Variants in CNTNAP2 observed in about 807,000 individuals in gnomAD.
CNTNAP2 encodes the protein contactin-associated protein-like 2.
A neutral mutation model predicts 155.2 loss-of-function variants in CNTNAP2; 98 were observed. The ratio of observed to expected loss-of-function variants is 0.63; its 90% CI spans 0.54 to 0.75. The LOEUF (loss-of-function observed/expected upper bound fraction) is 0.75, where lower values mean the gene tolerates loss of function less well. Ranked by LOEUF, CNTNAP2 falls within the 30% of genes least tolerant of loss-of-function variation. CNTNAP2 has a pLI of 0.00. For synonymous variants in CNTNAP2, 651 were observed against 631.2 expected (o/e 1.03, Z -0.47); for missense variants, 1,727 against 1,688.1 (o/e 1.02, Z -0.40).
At chr7:147,434,898 T>A (rs1373464542) in intron 10 of CNTNAP2, among the ~76,000 whole-genome samples, 1 of 152,222 alleles carries the variant, frequency 6.6e-6, no homozygotes, top group Non-Finnish European at 1.5e-5. Context: ...TGGCCTCTGT[T>A]TCAACTCTCA....
At chr7:146,599,507 T>C (rs1331147017) in intron 1 of CNTNAP2, among the ~76,000 whole-genome samples, 3 of 152,094 alleles carry the variant, frequency 2.0e-5, no homozygotes, top group East Asian at 1.9e-4. Context: ...CCTCCTTTTA[T>C]GTCTATACCT....
At chr7:147,512,284 T>G (rs1311106422) in intron 11 of CNTNAP2, among the ~76,000 whole-genome samples, 3 of 152,216 alleles carry the variant, frequency 2.0e-5, no homozygotes. Context: ...GACAGTTTTT[T>G]GGAACCAGGG....
At position 147,121,100 on chromosome 7, in the gene CNTNAP2, G is replaced by A. The variant is rs1584856729; in HGVS notation, c.876G>A (p.Leu292=). ...AGGGGCGGAGCATTAACCTCACTCT[G>A]GACAGGAGCATGCAGCACTTCCGTA... is the stretch of plus-strand genomic sequence containing the variant. ...ERQGRSINLT[L]DRSMQHFRTN... The change falls in exon 6 of 24, where the codon CTG becomes CTA. Residue 292 remains leucine, a synonymous_variant. Coordinates refer to ENST00000361727, the MANE Select transcript of CNTNAP2 (RefSeq NM_014141.6). 6.2e-7 allele frequency: 1 copy of A among 1,613,994 alleles called. No individual in the cohort carries two copies. Among genetic ancestry groups the A allele is most frequent in the Admixed American group, 1.7e-5 (1 of 59,988 alleles).
At chr7:147,087,940 G>A (rs1268992703) in intron 4 of CNTNAP2, among the ~76,000 whole-genome samples, 5 of 152,056 alleles carry the variant, frequency 3.3e-5, no homozygotes, top group African/African-American at 9.7e-5. Flanking sequence ...TTGTGCCACT[G>A]CACTCCAGCC....
At chr7:147,391,465 C>A (rs1042213364) in intron 9 of CNTNAP2, among the ~76,000 whole-genome samples, 8 of 152,056 alleles carry the variant, frequency 5.3e-5, no homozygotes, top group Admixed American at 4.6e-4. Flanking sequence ...AACTCTGTCC[C>A]TTTCAGTACA....
At chr7:147,781,271 C>T (rs1797657746) in intron 13 of CNTNAP2, among the ~76,000 whole-genome samples, 1 of 152,078 alleles carries the variant, frequency 6.6e-6, no homozygotes, top group Non-Finnish European at 1.5e-5. Flanking sequence ...TAGCAGTAGA[C>T]TGTTGTAGAA....
intron 1 of CNTNAP2, among the ~76,000 whole-genome samples, chr7:146,528,356 C>A (rs1917950): frequency 0.3 from 46,251 of 151,952 alleles, 7,197 homozygotes; most frequent in East Asian, 0.44. Flanking sequence ...GTTTTCTCAA[C>A]TGCAAAGCAG....
intron 1 of CNTNAP2, among the ~76,000 whole-genome samples, chr7:146,566,051 A>G (rs967867954): frequency 3.3e-5 from 5 of 152,192 alleles, no homozygotes; most frequent in African/African-American, 9.6e-5. Flanking sequence ...CCTCTTTGCA[A>G]TTGAGGCACA....
intron 5 of CNTNAP2, among the ~76,000 whole-genome samples, chr7:147,113,550 T>G (rs1800926043): frequency 6.6e-6 from 1 of 151,974 alleles, no homozygotes; most frequent in African/African-American, 2.4e-5. Flanking sequence ...CTTCTTCACA[T>G]GGCGGCAGGA....
At chr7:146,934,486 A>G (rs1796867735) in intron 3 of CNTNAP2, among the ~76,000 whole-genome samples, 1 of 151,424 alleles carries the variant, frequency 6.6e-6, no homozygotes, top group Non-Finnish European at 1.5e-5. Context: ...AATAGGAGAT[A>G]TACCTAATGC....
chr7:148,193,753 T>C (rs1389856589), intron 18 of CNTNAP2, among the ~76,000 whole-genome samples: 3 of 152,038 alleles, frequency 2.0e-5, no homozygotes. Context: ...TAGTTCATCT[T>C]CTGCTCCAGT....
chr7:147,874,403 CT>C lies in CNTNAP2; in HGVS notation c.2099-29161del, dbSNP rs575596264. Among the ~76,000 whole-genome samples the C allele has an allele frequency of 4.2e-3, 633 of 152,364 alleles. 3 individuals are homozygous for C. Among genetic ancestry groups the C allele is most frequent in the African/African-American group, 0.015 (618 of 41,584 alleles). On this transcript the variant is annotated intron_variant, in intron 13 of 23. Transcript: ENST00000361727. ...TTCTTGACTTCTGTGTTCCTGCAGACTCAAAACCATGTGGAAGCTGCCAAAG... is the reference window on the plus strand; with the variant it reads ...TTCTTGACTTCTGTGTTCCTGCAGACCAAAACCATGTGGAAGCTGCCAAAG...
intron 21 of CNTNAP2, among the ~76,000 whole-genome samples, chr7:148,312,453 G>T (rs1371102586): frequency 6.6e-6 from 1 of 152,190 alleles, no homozygotes; most frequent in Non-Finnish European, 1.5e-5. Context: ...TGCTGAGCCT[G>T]ATGGGTGTGA....
intron 15 of CNTNAP2, among the ~76,000 whole-genome samples, chr7:148,038,093 T>C (rs1256067163): frequency 1.3e-5 from 2 of 152,202 alleles, no homozygotes; most frequent in Non-Finnish European, 2.9e-5. Context: ...AACAAATAGA[T>C]CATTATAGTT....
chr7:147,200,150 C>G (rs888412391), intron 8 of CNTNAP2, among the ~76,000 whole-genome samples: 2 of 151,614 alleles, frequency 1.3e-5, no homozygotes, highest in Non-Finnish European at 2.9e-5. Context: ...TGCTGCTTCT[C>G]CCCTGTTGCT....
intron 1 of CNTNAP2, among the ~76,000 whole-genome samples, chr7:146,333,435 G>A (rs1403133593): frequency 6.6e-6 from 1 of 152,104 alleles, no homozygotes; most frequent in Non-Finnish European, 1.5e-5. Flanking sequence ...GAATATCAGA[G>A]TAGAAACACA....
At chr7:147,719,309 C>T (rs1024652421) in intron 13 of CNTNAP2, among the ~76,000 whole-genome samples, 2 of 152,124 alleles carry the variant, frequency 1.3e-5, no homozygotes, top group African/African-American at 4.8e-5. Context: ...GATACAACTG[C>T]TCAATCTACT....
At chr7:147,582,557 C>G (rs574399650) in intron 12 of CNTNAP2, among the ~76,000 whole-genome samples, 10 of 152,182 alleles carry the variant, frequency 6.6e-5, no homozygotes, top group Admixed American at 3.3e-4. Context: ...ACAAAACATT[C>G]TGGAGAGTAT....
At chr7:147,015,820 T>C (rs1290350882) in intron 3 of CNTNAP2, among the ~76,000 whole-genome samples, 5 of 152,100 alleles carry the variant, frequency 3.3e-5, no homozygotes, top group Admixed American at 2.6e-4. Flanking sequence ...ATATTCTATC[T>C]CTAATATATC....
Sources: allele counts gnomAD v4.1 joint callset (sites outside exome capture counted in the v4.1 genomes callset), GRCh38; gene constraint gnomAD v4.1.1; transcripts MANE v1.5; gene names NCBI Gene and HGNC (gene_info 2026-07-23, HGNC 2026-07-21).